Variants in VIPR2 observed in about 807,000 individuals in gnomAD.
VIPR2 encodes the protein vasoactive intestinal polypeptide receptor 2.
A neutral mutation model predicts 58.0 loss-of-function variants in VIPR2; 48 were observed. The observed-to-expected ratio is 0.83, with a 90% CI of 0.66 to 1.05. The LOEUF (loss-of-function observed/expected upper bound fraction) is 1.05, where lower values mean the gene tolerates loss of function less well. Among genes scored for constraint, VIPR2 ranks in the 50% least tolerant of loss-of-function variants. VIPR2 has a pLI of 0.00. For missense variants in VIPR2, 534 were observed against 558.0 expected, an observed-to-expected ratio of 0.96 and a Z score of 0.43; for synonymous variants, 243 against 235.2, an observed-to-expected ratio of 1.03 and a Z score of -0.30.
chr7:159,064,928 T>G (rs1427158453), intron 4 of VIPR2, among the ~76,000 whole-genome samples: 1 of 152,118 alleles, frequency 6.6e-6, no homozygotes, highest in African/African-American at 2.4e-5. Context: ...GGGCCTGATG[T>G]TCCCCACGTA....
chr7:159,144,626 G>C, intron 1 of VIPR2, 95 bp downstream of exon 1: 2 of 1,383,036 alleles, frequency 1.4e-6, no homozygotes, highest in Non-Finnish European at 1.9e-6. Flanking sequence ...TCCAGCACCC[G>C]GGAGGAAGGC....
intron 4 of VIPR2, among the ~76,000 whole-genome samples, chr7:159,094,233 C>T (rs1037067939): frequency 1.8e-4 from 27 of 152,294 alleles, no homozygotes; most frequent in African/African-American, 5.5e-4. Context: ...CCAGACTCAG[C>T]AGAGGAAGAG....
intron 12 of VIPR2, 35 bp from the exon 13 acceptor site, chr7:159,030,824 C>T (rs956308843): frequency 1.3e-6 from 2 of 1,512,340 alleles, no homozygotes; most frequent in African/African-American, 1.4e-5. Context: ...GCCCGTGAGC[C>T]TGGGCAGGTG....
chr7:159,142,243 T>C (rs4518608), intron 2 of VIPR2, among the ~76,000 whole-genome samples: 10,131 of 152,248 alleles, frequency 0.067, 786 homozygotes, highest in African/African-American at 0.18. Context: ...AAGGTTATCT[T>C]TTTAAAGGTG....
intron 4 of VIPR2, among the ~76,000 whole-genome samples, chr7:159,101,689 G>A (rs1186262428): frequency 5.6e-5 from 8 of 142,940 alleles, no homozygotes; most frequent in East Asian, 4.4e-4. Flanking sequence ...CGGGTCTCAC[G>A]AGATCCGACG....
At chr7:159,042,651 C>T (rs148262573) in intron 6 of VIPR2, among the ~76,000 whole-genome samples, 86 of 152,354 alleles carry the variant, frequency 5.6e-4, no homozygotes, top group African/African-American at 1.9e-3. Context: ...GCCTTTACTG[C>T]TCAGAATCTA....
chr7:159,064,209 C>A (rs1366176397), intron 4 of VIPR2, among the ~76,000 whole-genome samples: 1 of 151,932 alleles, frequency 6.6e-6, no homozygotes, highest in Non-Finnish European at 1.5e-5. Context: ...CCCCACGCGC[C>A]GGGCCAGGAG....
At chr7:159,134,595 G>C (rs1315056136) in intron 2 of VIPR2, among the ~76,000 whole-genome samples, 1 of 151,526 alleles carries the variant, frequency 6.6e-6, no homozygotes, top group South Asian at 2.1e-4. Flanking sequence ...ATAAGTTTTT[G>C]TTAAAAAAAG....
At chr7:159,062,083 T>C (rs1397545503) in intron 4 of VIPR2, among the ~76,000 whole-genome samples, 2 of 152,114 alleles carry the variant, frequency 1.3e-5, no homozygotes, top group Non-Finnish European at 2.9e-5. Context: ...GGTGTGGCCA[T>C]GGGGCGCCGG....
intron 3 of VIPR2, among the ~76,000 whole-genome samples, chr7:159,105,405 C>G (rs772233131): frequency 6.6e-6 from 1 of 152,180 alleles, no homozygotes; most frequent in African/African-American, 2.4e-5. Flanking sequence ...GACAACCCTG[C>G]AAGACAGACT....
chr7:159,063,169 A>G (rs114961653), intron 4 of VIPR2, among the ~76,000 whole-genome samples: 29,975 of 152,062 alleles, frequency 0.2, 3,093 homozygotes, highest in African/African-American at 0.25. Flanking sequence ...CCATGGGACC[A>G]GGTGCCGCGG....
At chr7:159,039,700 C>T (rs1318806325) in intron 6 of VIPR2, among the ~76,000 whole-genome samples, 1 of 152,152 alleles carries the variant, frequency 6.6e-6, no homozygotes, top group Non-Finnish European at 1.5e-5. Context: ...AGACCCGAAT[C>T]TGGTGGTGCC....
At position 159,095,639 on chromosome 7, in the gene VIPR2, A is replaced by G. The variant is rs1453190633; in HGVS notation, c.357+8118T>C. ...AAGGACTATTAAGAGGGAGAACAGG[A>G]GTGTCACCGGAAGCCCCAGACTCAA... is the stretch of plus-strand genomic sequence containing the variant. On this transcript the variant is annotated intron_variant, in intron 4 of 12. Transcript: ENST00000262178. This position sits in a 1 kb window ranked among gnomAD's most constrained non-coding sequence, Gnocchi z 5.2. 6.6e-6 allele frequency among the ~76,000 whole-genome samples: 1 copy of G among 152,206 alleles called. No homozygotes were observed. Among genetic ancestry groups the G allele is most frequent in the Non-Finnish European group, 1.5e-5 (1 of 68,038 alleles).
At chr7:159,065,026 C>T (rs1356383645) in intron 4 of VIPR2, among the ~76,000 whole-genome samples, 1 of 152,132 alleles carries the variant, frequency 6.6e-6, no homozygotes, top group Admixed American at 6.5e-5. Context: ...CCATGGCGGG[C>T]CCACTGCACC....
At chr7:159,101,134 T>C (rs1215518301) in intron 4 of VIPR2, among the ~76,000 whole-genome samples, 2 of 145,400 alleles carry the variant, frequency 1.4e-5, no homozygotes, top group East Asian at 4.1e-4. Flanking sequence ...CCTGTGGTAG[T>C]GAATGAGTCT....
intron 4 of VIPR2, among the ~76,000 whole-genome samples, chr7:159,078,976 CTG>C (rs1856778333): frequency 6.6e-6 from 1 of 152,126 alleles, no homozygotes. Context: ...CAAATGGTCT[CTG>C]TGAGAACCAA....
intron 2 of VIPR2, among the ~76,000 whole-genome samples, chr7:159,126,044 C>T (rs1293242750): frequency 6.6e-6 from 1 of 152,172 alleles, no homozygotes; most frequent in Non-Finnish European, 1.5e-5. Flanking sequence ...CTGGATGCGA[C>T]ACCATCCAGG....
rs563949253 is a variant in VIPR2, at chr7:159,058,382, G to A, written c.455+99C>T. 1.7e-4 allele frequency: 159 copies of A among 922,790 alleles called. 1 individual carries two copies. The African/African-American group carries it at 2.4e-3, about 14-fold the overall frequency. The allele number at this position is 922,790 out of a possible 1,614,324, so 57.2% of individuals were successfully genotyped here. ...TCTCCATGGGAGTCTTATTGGCTTA[G>A]CACACAGAGGGCTCCAGGCTGGGTG... On this transcript the variant is annotated intron_variant, in intron 5 of 12. Transcript: ENST00000262178.
rs767202622 is a variant in VIPR2, at chr7:159,031,853, A to C, written c.1118T>G (p.Val373Gly). The change falls in exon 12 of 13, where the codon GTC becomes GGC. Residue 373 changes from valine to glycine, a missense_variant. Val to Gly is a moderately radical substitution (Grantham distance 109, BLOSUM62 -3). Transcript: ENST00000262178. This position sits in a 1 kb window ranked among gnomAD's most constrained non-coding sequence, Gnocchi z 4.0. ...LGSFQGLVVAVLYCFLNSEVQ... is the reference protein window; with the variant it reads ...LGSFQGLVVAGLYCFLNSEVQ... ...CTCACTGTTCAGGAAACAGTAGAGG[A>C]CGGCCACCACCAGGCCCTGCAATGA... 1 of 1,613,992 alleles carries C rather than the reference A, an allele frequency of 6.2e-7. No homozygotes were observed. Among genetic ancestry groups the C allele is most frequent in the Non-Finnish European group, 8.5e-7 (1 of 1,180,016 alleles).
Sources: gnomAD v4.1 joint callset for allele counts (sites outside exome capture counted in the v4.1 genomes callset) on GRCh38, gnomAD v4.1.1 for gene constraint, Gnocchi (gnomAD v3.1) non-coding constraint, MANE v1.5 for transcripts, NCBI Gene and HGNC (gene_info 2026-07-23, HGNC 2026-07-21) for gene names.